The following KAZN variants were observed in gnomAD, a reference collection of about 807,000 sequenced individuals.
KAZN encodes kazrin.
Under a neutral mutation model 87.4 loss-of-function variants are expected in KAZN, and 40 were observed. That is an observed-to-expected ratio of 0.46 (90% CI 0.36 to 0.60). The LOEUF (loss-of-function observed/expected upper bound fraction) is 0.60, where lower values mean the gene tolerates loss of function less well. Ranked by LOEUF, KAZN falls within the 20% of genes least tolerant of loss-of-function variation. The pLI, the probability that KAZN is intolerant of heterozygous loss-of-function variation, is 0.00. For missense variants in KAZN, 898 were observed against 1,073.9 expected, an observed-to-expected ratio of 0.84 and a Z score of 2.29; for synonymous variants, 466 against 458.3, an observed-to-expected ratio of 1.02 and a Z score of -0.22.
chr1:14,050,023 G>A (rs1397394496), intron 1 of KAZN, among the ~76,000 whole-genome samples: 1 of 152,200 alleles, frequency 6.6e-6, no homozygotes, highest in Non-Finnish European at 1.5e-5. Context: ...CTGTGTGCAT[G>A]TGGGCATGCA....
chr1:14,517,247 G>A (rs1223291752), intron 2 of KAZN, among the ~76,000 whole-genome samples: 1 of 152,140 alleles, frequency 6.6e-6, no homozygotes, highest in Non-Finnish European at 1.5e-5. Flanking sequence ...TGTGGGAATC[G>A]TGAAGCTCGT....
In KAZN at chr1:14,820,867, G is replaced by C. The variant is rs1646719009; in HGVS notation, c.227-139817G>C. ...GGATACGCCCAAGATGGCCAGGAGA[G>C]AAGAGCCGAGGGGCAGGGTGAGCAA... On this transcript the variant is annotated intron_variant, in intron 1 of 14. Coordinates refer to ENST00000376030, the MANE Select transcript of KAZN (RefSeq NM_201628.3). The surrounding 1 kb of genome is among the most constrained non-coding windows in gnomAD (Gnocchi z 4.1). Among the ~76,000 whole-genome samples the C allele has an allele frequency of 6.6e-6, 1 of 152,170 alleles. No homozygotes were observed. Among genetic ancestry groups the C allele is most frequent in the Non-Finnish European group, 1.5e-5 (1 of 68,032 alleles).
chr1:13,901,254 C>T (rs142797342), intron 1 of KAZN, among the ~76,000 whole-genome samples: 253 of 152,322 alleles, frequency 1.7e-3, no homozygotes, highest in African/African-American at 5.7e-3. Flanking sequence ...CGTTCATTCT[C>T]AAGCATGTCT....
intron 1 of KAZN, among the ~76,000 whole-genome samples, chr1:14,663,452 C>T (rs1007309519): frequency 3.9e-5 from 6 of 152,166 alleles, no homozygotes; most frequent in African/African-American, 1.4e-4. Context: ...TGCCAGCTAT[C>T]CCTTCTCTCT....
At chr1:15,112,838 A>T (rs1446546631) in intron 14 of KAZN, 4 of 271,532 alleles carry the variant, frequency 1.5e-5, no homozygotes, top group Admixed American at 4.6e-5. Context: ...AGATTCTGGG[A>T]CCCACCTTGG....
At chr1:13,968,873 C>T (rs991306134) in intron 1 of KAZN, among the ~76,000 whole-genome samples, 11 of 152,116 alleles carry the variant, frequency 7.2e-5, no homozygotes, top group Non-Finnish European at 1.5e-4. Flanking sequence ...ATGCACTTGC[C>T]GATGACTCCC....
chr1:13,993,570 G>A (rs1427407165), intron 1 of KAZN, among the ~76,000 whole-genome samples: 1 of 152,210 alleles, frequency 6.6e-6, no homozygotes, highest in South Asian at 2.1e-4. Context: ...TATGTATCAA[G>A]TACTGATTAG....
chr1:14,816,593 G>A (rs1646571415), intron 1 of KAZN, among the ~76,000 whole-genome samples: 1 of 152,128 alleles, frequency 6.6e-6, no homozygotes, highest in South Asian at 2.1e-4. Flanking sequence ...GGGAGTCATA[G>A]ATGATAGAAA....
chr1:14,834,452 C>G (rs1026148325), intron 1 of KAZN, among the ~76,000 whole-genome samples: 3 of 149,256 alleles, frequency 2.0e-5, no homozygotes, highest in Admixed American at 6.7e-5. Context: ...AGCTCCGCCT[C>G]TGGGGTTCAC....
chr1:14,238,702 C>A (rs1207152581), intron 2 of KAZN, among the ~76,000 whole-genome samples: 2 of 152,228 alleles, frequency 1.3e-5, no homozygotes, highest in Admixed American at 6.5e-5. Context: ...TTGGCCAAGC[C>A]CAATGAGCTG....
At chr1:14,595,937 G>A (rs1676484388), upstream of KAZN, among the ~76,000 whole-genome samples, 1 of 152,076 alleles carries the variant, frequency 6.6e-6, no homozygotes, top group Non-Finnish European at 1.5e-5. Flanking sequence ...GCAGCTTCTT[G>A]AAACCTCAAA....
intron 2 of KAZN, among the ~76,000 whole-genome samples, chr1:14,248,299 G>C (rs1224951322): frequency 1.3e-5 from 2 of 152,152 alleles, no homozygotes; most frequent in Admixed American, 1.3e-4. Flanking sequence ...GTCCAGGCTG[G>C]CATTTTCTCA....
chr1:14,378,021 C>T (rs936960434), intron 2 of KAZN, among the ~76,000 whole-genome samples: 2 of 152,122 alleles, frequency 1.3e-5, no homozygotes, highest in Non-Finnish European at 2.9e-5. Context: ...TTGCTGGAGC[C>T]AGAATTTTTA....
chr1:14,200,798 C>T (rs1177817973), intron 2 of KAZN, among the ~76,000 whole-genome samples: 4 of 151,636 alleles, frequency 2.6e-5, no homozygotes, highest in Non-Finnish European at 4.4e-5. Flanking sequence ...TTGCAATCCT[C>T]TCCACCACAC....
At chr1:14,933,948 C>T (rs7525568) in intron 1 of KAZN, among the ~76,000 whole-genome samples, 16,268 of 147,968 alleles carry the variant, frequency 0.11, 1,106 homozygotes, top group East Asian at 0.3. Flanking sequence ...CCCGGGTTCA[C>T]GCCATTCTCC....
chr1:14,994,022 T>G (rs562280522), intron 2 of KAZN, among the ~76,000 whole-genome samples: 1 of 152,294 alleles, frequency 6.6e-6, no homozygotes, highest in Non-Finnish European at 1.5e-5. Flanking sequence ...TTAGGCATGG[T>G]CGCCTTTCCT....
chr1:14,540,243 T>C (rs1161605552), intron 2 of KAZN, among the ~76,000 whole-genome samples: 1 of 152,206 alleles, frequency 6.6e-6, no homozygotes, highest in Non-Finnish European at 1.5e-5. Flanking sequence ...ACGGTGACAC[T>C]GGCCTTCAAG....
chr1:14,077,835 G>A (rs1643520368), intron 1 of KAZN, among the ~76,000 whole-genome samples: 1 of 152,140 alleles, frequency 6.6e-6, no homozygotes, highest in East Asian at 1.9e-4. Flanking sequence ...GACACAGAGG[G>A]AGAAAGCAAT....
intron 2 of KAZN, among the ~76,000 whole-genome samples, chr1:14,278,457 T>C (rs1172476544): frequency 8.6e-5 from 13 of 151,710 alleles, no homozygotes; most frequent in Non-Finnish European, 1.6e-4. Context: ...GCCCAGCTAA[T>C]TTTTGTATTT....
Sources: allele counts gnomAD v4.1 joint callset (sites outside exome capture counted in the v4.1 genomes callset), GRCh38; gene constraint gnomAD v4.1.1; non-coding constraint Gnocchi (gnomAD v3.1); transcripts MANE v1.5; gene names NCBI Gene and HGNC (gene_info 2026-07-23, HGNC 2026-07-21).